The following SYN3 variants were observed in gnomAD, a reference collection of about 807,000 sequenced individuals.
SYN3 encodes the protein synapsin-3.
In SYN3, 35 loss-of-function variants were observed where a neutral mutation model predicts 65.8. The ratio of observed to expected loss-of-function variants is 0.53; its 90% confidence interval spans 0.41 to 0.70. The LOEUF is 0.70. Ranked by LOEUF, SYN3 falls within the 30% of genes least tolerant of loss-of-function variation. The probability of loss-of-function intolerance (pLI) is 0.00; values close to 1 mark genes in which losing one functional copy is unlikely to be tolerated. For missense variants in SYN3, 680 were observed against 749.0 expected (o/e 0.91, Z 1.08); for synonymous variants, 270 against 292.9 (o/e 0.92, Z 0.80).
At chr22:32,560,047 A>G (rs1006133703) in intron 7 of SYN3, among the ~76,000 whole-genome samples, 1 of 152,202 alleles carries the variant, frequency 6.6e-6, no homozygotes, top group Non-Finnish European at 1.5e-5. Flanking sequence ...CAGTAAACAC[A>G]CTGTGCCTGC....
At chr22:32,769,427 G>T (rs2045709241) in intron 6 of SYN3, among the ~76,000 whole-genome samples, 1 of 151,898 alleles carries the variant, frequency 6.6e-6, no homozygotes, top group African/African-American at 2.4e-5. Flanking sequence ...TTGGCTTCTG[G>T]GACACCACTC....
intron 7 of SYN3, among the ~76,000 whole-genome samples, chr22:32,544,398 A>G (rs2058306190): frequency 6.6e-6 from 1 of 152,088 alleles, no homozygotes; most frequent in African/African-American, 2.4e-5. Context: ...GTTACGCACC[A>G]CTGTCTATCT....
intron 6 of SYN3, chr22:32,635,140 C>A (rs1256122434): frequency 6.6e-6 from 1 of 152,110 alleles, no homozygotes; most frequent in Non-Finnish European, 1.5e-5. Flanking sequence ...CAGGCCCGAC[C>A]CTGCTTAGTT....
At chr22:32,703,559 C>G (rs780832674) in intron 6 of SYN3, among the ~76,000 whole-genome samples, 1 of 151,618 alleles carries the variant, frequency 6.6e-6, no homozygotes, top group Non-Finnish European at 1.5e-5. Flanking sequence ...ATGGCATGAA[C>G]CCGGGAGGCG....
intron 10 of SYN3, among the ~76,000 whole-genome samples, chr22:32,530,732 C>A (rs186535929): frequency 4.9e-4 from 74 of 152,074 alleles, no homozygotes; most frequent in African/African-American, 1.8e-3. Context: ...TGGCTGGGCG[C>A]GGTGGCTCAC....
rs747456199 is a variant in SYN3 at position 32,689,977 on chromosome 22, A to T, written c.712-93241T>A. ...GATTACCTGAGGTCAGGAGTTTGAG[A>T]CCAGCCTGGCCAACATGGTCAAACC... On this transcript the variant is annotated intron_variant, in intron 6 of 13. Coordinates refer to ENST00000358763, the MANE Select transcript of SYN3 (RefSeq NM_003490.4). 1.8e-3 allele frequency among the ~76,000 whole-genome samples: 274 copies of T among 152,192 alleles called. 4 individuals carry two copies. The highest frequency in any genetic ancestry group is 2.7e-3 in the Non-Finnish European group (183 of 68,004).
intron 6 of SYN3, among the ~76,000 whole-genome samples, chr22:32,797,525 T>C (rs939820932): frequency 1.3e-5 from 2 of 152,076 alleles, no homozygotes; most frequent in African/African-American, 2.4e-5. Context: ...ACCAAAAAAA[T>C]GGTGATAAAA....
intron 6 of SYN3, among the ~76,000 whole-genome samples, chr22:32,622,288 C>T (rs898574359): frequency 6.6e-6 from 1 of 152,020 alleles, no homozygotes; most frequent in Admixed American, 6.6e-5. Context: ...CTCCTCTGGG[C>T]CTCAGTTGAA....
chr22:32,691,908 TG>T (rs1300834629), intron 6 of SYN3, among the ~76,000 whole-genome samples: 1 of 151,940 alleles, frequency 6.6e-6, no homozygotes, highest in Non-Finnish European at 1.5e-5. Flanking sequence ...AATGAGCTCC[TG>T]GGGTGAAAGT....
chr22:32,661,519 T>C (rs77506768), intron 6 of SYN3, among the ~76,000 whole-genome samples: 1 of 152,166 alleles, frequency 6.6e-6, no homozygotes, highest in African/African-American at 2.4e-5. Flanking sequence ...TTCTTTTTTT[T>C]CTTTCTTTCT....
intron 6 of SYN3, among the ~76,000 whole-genome samples, chr22:32,723,864 C>T (rs771063236): frequency 1.8e-4 from 27 of 152,358 alleles, no homozygotes; most frequent in African/African-American, 5.8e-4. Context: ...AGCTGTAGGC[C>T]GTGCCACGTG....
At chr22:32,962,801 CATCT>C (rs56349346) in intron 3 of SYN3, among the ~76,000 whole-genome samples, 41,671 of 146,256 alleles carry the variant, frequency 0.28, 6,290 homozygotes, top group Admixed American at 0.36. Flanking sequence ...AGAGTATCGG[CATCT>C]ATCTATCTAT....
intron 6 of SYN3, among the ~76,000 whole-genome samples, chr22:32,739,268 C>T (rs1365596630): frequency 6.6e-6 from 1 of 151,908 alleles, no homozygotes; most frequent in African/African-American, 2.4e-5. Flanking sequence ...TTTCACTTGG[C>T]TCTCATTCTC....
chr22:32,963,301 G>T (rs2051720787), intron 3 of SYN3, among the ~76,000 whole-genome samples: 1 of 143,870 alleles, frequency 7.0e-6, no homozygotes, highest in African/African-American at 2.6e-5. Flanking sequence ...TGACCAGGCT[G>T]GTCTCAAACT....
At chr22:32,779,408 C>T (rs975449478) in intron 6 of SYN3, among the ~76,000 whole-genome samples, 6 of 152,046 alleles carry the variant, frequency 3.9e-5, no homozygotes, top group African/African-American at 1.2e-4. Flanking sequence ...TGCAGTGAGC[C>T]GAGATGGCGC....
intron 6 of SYN3, among the ~76,000 whole-genome samples, chr22:32,635,407 C>T (rs16990872): frequency 0.08 from 12,198 of 152,236 alleles, 618 homozygotes; most frequent in South Asian, 0.21. Context: ...GATGAGCATT[C>T]CCAGTGACTA....
At chr22:32,923,341 C>A (rs1178946764) in intron 4 of SYN3, among the ~76,000 whole-genome samples, 1 of 152,122 alleles carries the variant, frequency 6.6e-6, no homozygotes, top group Non-Finnish European at 1.5e-5. Flanking sequence ...TCTGACCACA[C>A]GGTGAGGGAA....
At chr22:32,807,312 A>G (rs1195609273) in intron 6 of SYN3, among the ~76,000 whole-genome samples, 1 of 121,756 alleles carries the variant, frequency 8.2e-6, no homozygotes, top group Non-Finnish European at 1.6e-5. Flanking sequence ...ATATAAATAT[A>G]TAATATATAA....
rs1601853362 is a variant in SYN3 at position 32,990,189 on chromosome 22, G to T, written c.312-9487C>A. Among the ~76,000 whole-genome samples the T allele has an allele frequency of 3.3e-5, 5 of 152,300 alleles. 1 individual carries two copies. Among genetic ancestry groups the T allele is most frequent in the Admixed American group, 3.3e-4 (5 of 15,290 alleles). ...TGTGTCTTGTTTGGCAAGGGAAAGTGGAGCCTGTCAAGGTGAAAAGTGCAG... is the reference window on the plus strand; with the variant it reads ...TGTGTCTTGTTTGGCAAGGGAAAGTTGAGCCTGTCAAGGTGAAAAGTGCAG... On this transcript the variant is annotated intron_variant, in intron 2 of 13. Transcript: ENST00000358763.
Sources: gnomAD v4.1 joint callset for allele counts (sites outside exome capture counted in the v4.1 genomes callset) on GRCh38, gnomAD v4.1.1 for gene constraint, MANE v1.5 for transcripts, NCBI Gene and HGNC (gene_info 2026-07-23, HGNC 2026-07-21) for gene names.